ERI3: variants seen among roughly 807,000 people sequenced by gnomAD.
ERI3 encodes the protein ERI1 exoribonuclease family member 3, also known as ERI1 exoribonuclease 3.
ERI3 carries 18 observed loss-of-function variants against 44.4 expected under a neutral mutation model. That is an observed-to-expected ratio of 0.41 (90% CI 0.28 to 0.60). The LOEUF is 0.60. ERI3 is among the 20% of genes least tolerant of loss of function. The pLI, the probability that ERI3 is intolerant of heterozygous loss-of-function variation, is 0.36. For synonymous variants in ERI3, 183 were observed against 164.8 expected, an observed-to-expected ratio of 1.11 and a Z score of -0.84; for missense variants, 294 against 435.5, an observed-to-expected ratio of 0.68 and a Z score of 2.89.
chr1:44,282,491 C>A (rs1443210826), intron 7 of ERI3, among the ~76,000 whole-genome samples: 1 of 152,182 alleles, frequency 6.6e-6, no homozygotes, highest in African/African-American at 2.4e-5. Context: ...TTGGCAATGA[C>A]CTCTCTGGCT....
chr1:44,353,822 T>C, intron 1 of ERI3: 4 of 985,278 alleles, frequency 4.1e-6, no homozygotes, highest in Non-Finnish European at 4.8e-6. Flanking sequence ...TGAGCTCCAG[T>C]GAAGCACCAC....
At chr1:44,281,936 T>C (rs1360703579) in intron 7 of ERI3, among the ~76,000 whole-genome samples, 1 of 137,942 alleles carries the variant, frequency 7.2e-6, no homozygotes, top group African/African-American at 2.6e-5. Flanking sequence ...GTATGTATTC[T>C]TCAGGCCCCT....
intron 1 of ERI3, 98 bp from the exon 2 acceptor site, chr1:44,353,023 C>A: frequency 6.3e-7 from 1 of 1,576,920 alleles, no homozygotes; most frequent in South Asian, 1.2e-5. Context: ...ACTCAAACTT[C>A]GGGATAACTG....
intron 6 of ERI3, among the ~76,000 whole-genome samples, chr1:44,299,012 G>A (rs573271931): frequency 1.3e-5 from 2 of 152,314 alleles, no homozygotes; most frequent in East Asian, 1.9e-4. Context: ...TAGCTGGCAA[G>A]GGGAAGGCAT....
intron 7 of ERI3, among the ~76,000 whole-genome samples, chr1:44,259,242 C>A (rs1557794377): frequency 6.6e-6 from 1 of 152,110 alleles, no homozygotes; most frequent in East Asian, 1.9e-4. Flanking sequence ...GGGAATGCTT[C>A]CCTGAGAACA....
At chr1:44,298,302 G>C (rs1645652095) in intron 6 of ERI3, among the ~76,000 whole-genome samples, 1 of 152,210 alleles carries the variant, frequency 6.6e-6, no homozygotes, top group Non-Finnish European at 1.5e-5. Context: ...CCTCAGAGAA[G>C]AGGGAGGACA....
intron 7 of ERI3, among the ~76,000 whole-genome samples, chr1:44,259,847 T>A (rs1644855067): frequency 6.6e-6 from 1 of 151,320 alleles, no homozygotes; most frequent in South Asian, 2.1e-4. Flanking sequence ...GCCACTGAAC[T>A]CCAGCCTGAG....
chr1:44,323,125 T>C (rs1487755283), intron 3 of ERI3: 2 of 390,620 alleles, frequency 5.1e-6, no homozygotes, highest in Non-Finnish European at 9.0e-6. Context: ...ACCAGTCGTA[T>C]TTACCAGCCC....
chr1:44,232,853 G>A (rs1391976631), intron 8 of ERI3, among the ~76,000 whole-genome samples: 7 of 151,984 alleles, frequency 4.6e-5, no homozygotes, highest in Admixed American at 6.5e-5. Flanking sequence ...ATTATACAGC[G>A]GTTCTATAAT....
chr1:44,305,715 C>T (rs1645818468), intron 6 of ERI3, among the ~76,000 whole-genome samples: 1 of 152,124 alleles, frequency 6.6e-6, no homozygotes. Flanking sequence ...ACTTATCAGC[C>T]CCTTTCCAAC....
At chr1:44,333,159 T>A (rs993997891) in intron 3 of ERI3, among the ~76,000 whole-genome samples, 1 of 152,174 alleles carries the variant, frequency 6.6e-6, no homozygotes, top group Non-Finnish European at 1.5e-5. Context: ...TATAACACCA[T>A]CCACACTAAC....
chr1:44,255,795 C>T (rs1336728935), intron 7 of ERI3, among the ~76,000 whole-genome samples: 2 of 152,126 alleles, frequency 1.3e-5, no homozygotes, highest in African/African-American at 4.8e-5. Flanking sequence ...AATCTTGATT[C>T]CTTCCTCTTC....
At chr1:44,273,910 T>C (rs1186074727) in intron 7 of ERI3, among the ~76,000 whole-genome samples, 1 of 152,182 alleles carries the variant, frequency 6.6e-6, no homozygotes, top group Non-Finnish European at 1.5e-5. Flanking sequence ...TGGAATGTTA[T>C]GGAGAGACAG....
intron 7 of ERI3, among the ~76,000 whole-genome samples, chr1:44,259,904 TA>T (rs1644857923): frequency 6.7e-6 from 1 of 148,792 alleles, no homozygotes; most frequent in Non-Finnish European, 1.5e-5. Context: ...GATAGATAGA[TA>T]GATAGATAGA....
At chr1:44,289,013 G>A (rs911469507) in intron 6 of ERI3, among the ~76,000 whole-genome samples, 2 of 152,282 alleles carry the variant, frequency 1.3e-5, no homozygotes, top group Admixed American at 6.5e-5. Context: ...TGGATTCACT[G>A]GGCACAAAGC....
At chr1:44,254,533 T>C (rs566307837) in intron 7 of ERI3, among the ~76,000 whole-genome samples, 15 of 152,124 alleles carry the variant, frequency 9.9e-5, no homozygotes, top group Non-Finnish European at 1.6e-4. Flanking sequence ...AGCACACCTT[T>C]TCTGGAAAAC....
At chr1:44,340,906 G>C (rs1646639625) in intron 2 of ERI3, among the ~76,000 whole-genome samples, 1 of 152,168 alleles carries the variant, frequency 6.6e-6, no homozygotes, top group Admixed American at 6.5e-5. Context: ...TTGAAAGCCA[G>C]AATCTTCTCA....
intron 1 of ERI3, 64 bp from the exon 2 acceptor site, chr1:44,352,989 A>G: frequency 6.2e-7 from 1 of 1,608,510 alleles, no homozygotes; most frequent in Non-Finnish European, 8.5e-7. Context: ...ATCCCCATGA[A>G]GGATACTACA....
Position 44,235,785 on chromosome 1 carries a change from C to T in ERI3, c.931+12154G>A, listed in dbSNP as rs943273304. Among the ~76,000 whole-genome samples the T allele has an allele frequency of 1.3e-5, 2 of 152,210 alleles. No homozygotes were observed. The highest frequency in any genetic ancestry group is 4.8e-5 in the African/African-American group (2 of 41,460). ...GACTGGCTAGGACCTGAGCTCTCAT[C>T]TGTCTGGCCAGCCTGTCCTGCAAAC... On this transcript the variant is annotated intron_variant, in intron 8 of 8. Transcript: ENST00000372257. The surrounding 1 kb of genome is among the most constrained non-coding windows in gnomAD (Gnocchi z 4.6).
Sources: gnomAD v4.1 joint callset for allele counts (sites outside exome capture counted in the v4.1 genomes callset) on GRCh38, gnomAD v4.1.1 for gene constraint, Gnocchi (gnomAD v3.1) non-coding constraint, MANE v1.5 for transcripts, NCBI Gene and HGNC (gene_info 2026-07-23, HGNC 2026-07-21) for gene names.